Variants in KIF5C observed in about 807,000 individuals in gnomAD.
KIF5C encodes kinesin heavy chain isoform 5C.
Under a neutral mutation model 125.2 loss-of-function variants are expected in KIF5C, and 18 were observed. The observed-to-expected ratio is 0.14, with a 90% CI of 0.10 to 0.21. The LOEUF (loss-of-function observed/expected upper bound fraction) is 0.21, where lower values mean the gene tolerates loss of function less well. KIF5C is among the 10% of genes least tolerant of loss of function. KIF5C has a pLI of 1.00. For missense variants in KIF5C, 780 were observed against 1,183.8 expected (o/e 0.66, Z 5.01); for synonymous variants, 405 against 434.0 (o/e 0.93, Z 0.83).
intron 12 of KIF5C, 22 bp from the exon 13 acceptor site, chr2:148,978,900 C>A (rs778092579): frequency 1.9e-6 from 3 of 1,572,856 alleles, no homozygotes; most frequent in African/African-American, 1.4e-5. Flanking sequence ...ACCAAAAAAA[C>A]AAACATGATG....
chr2:148,933,424 C>T (rs1248734509), intron 3 of KIF5C, among the ~76,000 whole-genome samples: 1 of 151,890 alleles, frequency 6.6e-6, no homozygotes, highest in African/African-American at 2.4e-5. Flanking sequence ...CATACACACA[C>T]AGAAACAGCA....
rs1446106952 is a variant in KIF5C, at chr2:148,991,310, T to G, written c.1905+112T>G. On this transcript the variant is annotated intron_variant, in intron 16 of 25. Transcript: ENST00000435030. Reference sequence around the variant, plus strand: ...TAGGCTTAGTTGAGGGACTGCTTTGTGTAAGCTTGGCCTCCCCAGGTGATG... The same window carrying G: ...TAGGCTTAGTTGAGGGACTGCTTTGGGTAAGCTTGGCCTCCCCAGGTGATG... The G allele has an allele frequency of 2.8e-6, 4 of 1,443,346 alleles. No individual in the cohort carries two copies. The East Asian group carries it at 7.5e-5, about 27-fold the overall frequency. 89.4% of individuals were successfully genotyped at this position (1,443,346 alleles called of 1,614,324 possible).
At chr2:148,977,357 A>G (rs1323172323) in intron 12 of KIF5C, among the ~76,000 whole-genome samples, 1 of 152,206 alleles carries the variant, frequency 6.6e-6, no homozygotes, top group Non-Finnish European at 1.5e-5. Flanking sequence ...CTTGTGGTTT[A>G]TATCACTTGT....
At chr2:148,964,236 T>C (rs1182239854) in intron 11 of KIF5C, among the ~76,000 whole-genome samples, 1 of 151,214 alleles carries the variant, frequency 6.6e-6, no homozygotes, top group Non-Finnish European at 1.5e-5. Flanking sequence ...GAACCCACCA[T>C]TGTACTCCAG....
At position 149,025,026 on chromosome 2, in the gene KIF5C, C is replaced by A. The variant is rs1456223466; in HGVS notation, c.*1956C>A. ...CATTACTTTTTGTTTGGAAATTGAA[C>A]AAAGGTCAGTAATGGTTTTTGGCTC... On this transcript the variant is annotated 3_prime_UTR_variant, in exon 26 of 26. Coordinates refer to ENST00000435030, the MANE Select transcript of KIF5C (RefSeq NM_004522.3). 1 of 152,242 alleles carries A rather than the reference C, an allele frequency of 6.6e-6. No homozygotes were observed. Among genetic ancestry groups the A allele is most frequent in the Admixed American group, 6.5e-5 (1 of 15,276 alleles). The allele number at this position is 152,242 out of a possible 1,614,324, so 9.4% of individuals were successfully genotyped here.
chr2:148,994,936 C>A (rs1239200307), intron 17 of KIF5C, among the ~76,000 whole-genome samples: 2 of 152,104 alleles, frequency 1.3e-5, no homozygotes, highest in African/African-American at 4.8e-5. Context: ...CTCCTGACCT[C>A]GTGATCTGTC....
At chr2:148,957,576 A>G (rs1404605192) in intron 10 of KIF5C, among the ~76,000 whole-genome samples, 1 of 143,090 alleles carries the variant, frequency 7.0e-6, no homozygotes, top group Non-Finnish European at 1.5e-5. Context: ...CCTAGATAGG[A>G]GAATGTTTGT....
At chr2:148,984,339 G>T (rs1681319164) in intron 15 of KIF5C, among the ~76,000 whole-genome samples, 1 of 152,180 alleles carries the variant, frequency 6.6e-6, no homozygotes. Flanking sequence ...ATCAAAATCT[G>T]CACTTTAACA....
intron 12 of KIF5C, among the ~76,000 whole-genome samples, chr2:148,974,352 T>A (rs1197620655): frequency 6.6e-6 from 1 of 152,248 alleles, no homozygotes. Flanking sequence ...CTGGCTTGTA[T>A]GAAGCAGCTT....
intron 25 of KIF5C, among the ~76,000 whole-genome samples, chr2:149,015,760 G>A (rs1574840169): frequency 6.6e-6 from 1 of 152,274 alleles, no homozygotes; most frequent in African/African-American, 2.4e-5. Context: ...TGTGACATTG[G>A]GCAAGTTACT....
intron 2 of KIF5C, among the ~76,000 whole-genome samples, chr2:148,926,750 G>T (rs547786814): frequency 3.3e-5 from 5 of 152,338 alleles, no homozygotes; most frequent in South Asian, 2.1e-4. Context: ...GAAGAAAATA[G>T]AGAACACTGG....
intron 1 of KIF5C, among the ~76,000 whole-genome samples, chr2:148,880,655 T>G (rs1681322420): frequency 6.6e-6 from 1 of 152,212 alleles, no homozygotes; most frequent in Non-Finnish European, 1.5e-5. Flanking sequence ...GTAAGTTTAT[T>G]TAGTCACTTT....
intron 1 of KIF5C, among the ~76,000 whole-genome samples, chr2:148,880,988 C>G (rs1133937): frequency 6.9e-6 from 1 of 144,172 alleles, no homozygotes; most frequent in Non-Finnish European, 1.5e-5. Context: ...GCTGAGCTTT[C>G]CTGGGCATGA....
intron 1 of KIF5C, among the ~76,000 whole-genome samples, chr2:148,913,734 G>T (rs1241734855): frequency 6.6e-6 from 1 of 152,202 alleles, no homozygotes; most frequent in Non-Finnish European, 1.5e-5. Context: ...ACTGTGCCAG[G>T]AAGCCCCACC....
At chr2:148,907,320 G>A (rs959536366) in intron 1 of KIF5C, among the ~76,000 whole-genome samples, 2 of 152,302 alleles carry the variant, frequency 1.3e-5, no homozygotes, top group African/African-American at 2.4e-5. Flanking sequence ...GGCCTGTGAA[G>A]GACAGCCTGC....
At position 148,998,455 on chromosome 2, in the gene KIF5C, C is replaced by A; in HGVS notation, c.2156C>A (p.Ser719Tyr). 1.3e-6 allele frequency: 2 copies of A among 1,566,628 alleles called. No individual in the cohort carries two copies. The highest frequency in any genetic ancestry group is 1.9e-5 in the Admixed American group (1 of 52,490). ...CGGGAAGCTCACCAGAAGCAGCTGTCCAGACTCCGAGACGAAATTGAGGAG... is the reference window on the plus strand; with the variant it reads ...CGGGAAGCTCACCAGAAGCAGCTGTACAGACTCCGAGACGAAATTGAGGAG... ...SHREAHQKQL[S>Y]RLRDEIEEKQ... The change falls in exon 19 of 26, where the codon TCC (serine) becomes TAC (tyrosine). Residue 719 changes from serine to tyrosine, a missense_variant. Transcript: ENST00000435030.
intron 25 of KIF5C, among the ~76,000 whole-genome samples, chr2:149,019,839 C>T (rs937689936): frequency 3.3e-5 from 5 of 152,184 alleles, no homozygotes; most frequent in Admixed American, 3.3e-4. Context: ...TCTTGCAAAA[C>T]CCTTGTATAA....
intron 21 of KIF5C, 84 bp from the exon 22 acceptor site, chr2:149,005,309 G>GT: frequency 6.4e-7 from 1 of 1,557,306 alleles, no homozygotes; most frequent in Non-Finnish European, 8.7e-7. Flanking sequence ...GGCTTGGGAA[G>GT]TGTCGGGGGA....
At chr2:148,951,533 C>T (rs945253280) in intron 10 of KIF5C, among the ~76,000 whole-genome samples, 1 of 152,184 alleles carries the variant, frequency 6.6e-6, no homozygotes, top group Non-Finnish European at 1.5e-5. Flanking sequence ...TTCTATCCTT[C>T]AGCCCTCGTG....
Sources: allele counts gnomAD v4.1 joint callset (sites outside exome capture counted in the v4.1 genomes callset), GRCh38; gene constraint gnomAD v4.1.1; transcripts MANE v1.5; gene names NCBI Gene and HGNC (gene_info 2026-07-23, HGNC 2026-07-21).